Variants in SOST observed in about 807,000 individuals in gnomAD.
SOST encodes the protein sclerosteosis.
A neutral mutation model predicts 16.7 loss-of-function variants in SOST; 14 were observed. That is an observed-to-expected ratio of 0.84 (90% CI 0.55 to 1.31). The LOEUF (loss-of-function observed/expected upper bound fraction) is 1.31, where lower values mean the gene tolerates loss of function less well. SOST is among the 50% of genes most tolerant of loss of function. The probability of loss-of-function intolerance (pLI) is 0.00; values close to 1 mark genes in which losing one functional copy is unlikely to be tolerated. For missense variants in SOST, 291 were observed against 310.7 expected (o/e 0.94, Z 0.48); for synonymous variants, 150 against 140.9 (o/e 1.06, Z -0.46).
rs1187502516 is a variant in SOST at position 43,758,652 on chromosome 17, C to T, written c.90G>A (p.Lys30=). ...CGGGGATGATTTCCGTGGCATCATTCTTGAACGCCTGCCACCCCTGGCCCT... is the reference window on the plus strand; with the variant it reads ...CGGGGATGATTTCCGTGGCATCATTTTTGAACGCCTGCCACCCCTGGCCCT... ...VVEGQGWQAF[K]NDATEIIPEL... is the part of the protein sequence containing the mutation. The change falls in exon 1 of 2, where the codon AAG becomes AAA. Residue 30 remains lysine, a synonymous_variant. Transcript: ENST00000301691. The T allele has an allele frequency of 1.2e-6, 2 of 1,614,030 alleles. No homozygotes were observed. Among genetic ancestry groups the T allele is most frequent in the African/African-American group, 2.7e-5 (2 of 74,918 alleles).
intron 1 of SOST, among the ~76,000 whole-genome samples, chr17:43,758,283 C>T (rs566068510): frequency 2.8e-4 from 42 of 152,282 alleles, no homozygotes; most frequent in African/African-American, 8.4e-4. Flanking sequence ...ACCACCCCAG[C>T]GTCCTCCCTG....
rs762410202 is a variant in SOST, at chr17:43,758,761, C to T, written c.-20G>A. ...CTGCATGGTACCAGCCAGAGGAGGG[C>T]ACGCCACCTTCCAGTAGCACAGGCT... is the stretch of plus-strand genomic sequence containing the variant. On this transcript the variant is annotated 5_prime_UTR_variant, in exon 1 of 2. Coordinates refer to ENST00000301691, the MANE Select transcript of SOST (RefSeq NM_025237.3). The T allele has an allele frequency of 1.9e-6, 3 of 1,599,376 alleles. No individual in the cohort carries two copies. Among genetic ancestry groups the T allele is most frequent in the Non-Finnish European group, 1.7e-6 (2 of 1,169,632 alleles).
At chr17:43,757,968 C>T (rs1367659467) in intron 1 of SOST, among the ~76,000 whole-genome samples, 1 of 152,208 alleles carries the variant, frequency 6.6e-6, no homozygotes, top group African/African-American at 2.4e-5. Context: ...ACCAGGTTCA[C>T]ACCTCAGCTC....
chr17:43,756,451 T>A (rs1397752098), intron 1 of SOST, among the ~76,000 whole-genome samples: 1 of 152,172 alleles, frequency 6.6e-6, no homozygotes, highest in Non-Finnish European at 1.5e-5. Context: ...TCCAACCCCC[T>A]CATTATCAAT....
In SOST at chr17:43,758,755, G is replaced by C; in HGVS notation, c.-14C>G. The stretch of plus-strand genomic sequence containing the variant: ...TGGGAGCTGCATGGTACCAGCCAGA[G>C]GAGGGCACGCCACCTTCCAGTAGCA... On this transcript the variant is annotated 5_prime_UTR_variant, in exon 1 of 2. Coordinates refer to ENST00000301691, the MANE Select transcript of SOST (RefSeq NM_025237.3). The C allele has an allele frequency of 6.2e-7, 1 of 1,607,964 alleles. No homozygotes were observed. The highest frequency in any genetic ancestry group is 8.5e-7 in the Non-Finnish European group (1 of 1,176,932).
Position 43,754,642 on chromosome 17 carries a change from G to A in SOST, c.*700C>T, listed in dbSNP as rs1974106365. 1 of 152,032 alleles carries A rather than the reference G, an allele frequency of 6.6e-6. No homozygotes were observed. Among genetic ancestry groups the A allele is most frequent in the Admixed American group, 6.6e-5 (1 of 15,252 alleles). 9.4% of individuals were successfully genotyped at this position (152,032 alleles called of 1,614,324 possible). On this transcript the variant is annotated 3_prime_UTR_variant, in exon 2 of 2. Transcript: ENST00000301691. Reference sequence around the variant, plus strand: ...AGCATCACAACTCTGAATTCTGGAAGTGACCTTGGCACTGAATCAATGCAA... The same window carrying A: ...AGCATCACAACTCTGAATTCTGGAAATGACCTTGGCACTGAATCAATGCAA...
Position 43,755,284 on chromosome 17 carries a change from T to A in SOST, c.*58A>T, listed in dbSNP as rs1168900594. The A allele has an allele frequency of 1.4e-6, 2 of 1,426,298 alleles. No individual in the cohort carries two copies. The highest frequency in any genetic ancestry group is 1.5e-5 in the African/African-American group (1 of 67,248). 88.4% of individuals were successfully genotyped at this position (1,426,298 alleles called of 1,614,324 possible). The stretch of plus-strand genomic sequence containing the variant: ...TCAAACCACGCGCAGAGGACAGAAA[T>A]GTGGGGCGCGGGTTCAGGGCCGGGG... On this transcript the variant is annotated 3_prime_UTR_variant, in exon 2 of 2. Transcript: ENST00000301691. The surrounding 1 kb of genome is among the most constrained non-coding windows in gnomAD (Gnocchi z 4.3).
At chr17:43,758,364 A>G (rs879627913) in intron 1 of SOST, among the ~76,000 whole-genome samples, 158 bp downstream of exon 1, 3 of 152,126 alleles carry the variant, frequency 2.0e-5, no homozygotes, top group Non-Finnish European at 4.4e-5. Context: ...CCAGCGAGCC[A>G]TTCTTCCCCC....
rs1974158785 is a variant in SOST, at chr17:43,758,638, T to A, written c.104A>T (p.Glu35Val). The change falls in exon 1 of 2, where the codon GAA (glutamate) becomes GTA (valine). Residue 35 changes from glutamate to valine, a missense_variant. Physicochemically the swap from Glu to Val is moderately radical, Grantham distance 121. Transcript: ENST00000301691. ...GWQAFKNDATEIIPELGEYPE... is the reference protein window; with the variant it reads ...GWQAFKNDATVIIPELGEYPE... ...GTACTCTCCGAGCTCGGGGATGATT[T>A]CCGTGGCATCATTCTTGAACGCCTG... 6.2e-7 allele frequency: 1 copy of A among 1,614,132 alleles called. No individual in the cohort carries two copies. Among genetic ancestry groups the A allele is most frequent in the Non-Finnish European group, 8.5e-7 (1 of 1,180,018 alleles).
At chr17:43,758,262 G>A (rs1016345708) in intron 1 of SOST, among the ~76,000 whole-genome samples, 2 of 152,092 alleles carry the variant, frequency 1.3e-5, no homozygotes, top group African/African-American at 4.8e-5. Context: ...ATGCCCTGAT[G>A]CCATACCCTC....
chr17:43,755,706 G>A lies in SOST; in HGVS notation c.278C>T (p.Pro93Leu), dbSNP rs1159168815. Reference protein sequence around the residue: ...LHFTRYVTDGPCRSAKPVTEL... With the variant: ...LHFTRYVTDGLCRSAKPVTEL... ...GGTGACCGGCTTGGCGCTGCGGCAC[G>A]GCCCATCGGTCACGTAGCGGGTGAA... The change falls in exon 2 of 2, where the codon CCG (proline) becomes CTG (leucine). Residue 93 changes from proline to leucine, a missense_variant. Transcript: ENST00000301691. This position sits in a 1 kb window ranked among gnomAD's most constrained non-coding sequence, Gnocchi z 4.3. The A allele has an allele frequency of 1.5e-5, 24 of 1,567,758 alleles. No individual in the cohort carries two copies. Among genetic ancestry groups the A allele is most frequent in the Non-Finnish European group, 1.9e-5 (22 of 1,165,440 alleles).
chr17:43,758,478 C>T, intron 1 of SOST, 44 bp downstream of exon 1: 1 of 1,513,712 alleles, frequency 6.6e-7, no homozygotes, highest in Non-Finnish European at 9.1e-7. Flanking sequence ...TTTCTAAAAC[C>T]TCCCCAGGAT....
In SOST at chr17:43,755,597, C is replaced by G. The variant is rs772681644; in HGVS notation, c.387G>C (p.Gly129=). 1 of 1,589,830 alleles carries G rather than the reference C, an allele frequency of 6.3e-7. No individual in the cohort carries two copies. Among genetic ancestry groups the G allele is most frequent in the Non-Finnish European group, 8.5e-7 (1 of 1,174,470 alleles). ...GGTCGGGGATGCAGCGGAAGTCGGG[C>G]CCACTAGGTCGCCACCACTTGCCGC... is the stretch of plus-strand genomic sequence containing the variant. ...IGRGKWWRPS[G]PDFRCIPDRY... is the part of the protein sequence containing the mutation. The change falls in exon 2 of 2, where the codon GGG becomes GGC. Residue 129 remains glycine (G), a synonymous_variant. Coordinates refer to ENST00000301691, the MANE Select transcript of SOST (RefSeq NM_025237.3). This position sits in a 1 kb window ranked among gnomAD's most constrained non-coding sequence, Gnocchi z 4.3.
In SOST at chr17:43,755,206, A is replaced by G; in HGVS notation, c.*136T>C. 4 of 879,976 alleles carry G rather than the reference A, an allele frequency of 4.5e-6. No homozygotes were observed. The highest frequency in any genetic ancestry group is 6.5e-6 in the Non-Finnish European group (4 of 620,104). 54.5% of individuals were successfully genotyped at this position (879,976 alleles called of 1,614,324 possible). A position where few individuals can be genotyped will look rare whatever the true frequency, so the allele number is the denominator to read the frequency against. On this transcript the variant is annotated 3_prime_UTR_variant, in exon 2 of 2. Coordinates refer to ENST00000301691, the MANE Select transcript of SOST (RefSeq NM_025237.3). The surrounding 1 kb of genome is among the most constrained non-coding windows in gnomAD (Gnocchi z 4.3). ...CGCCCGGGATTCCTCAGGGCCTGGA[A>G]GGTCTCAGCCCCCTGCCCTGGGTTG... is the stretch of plus-strand genomic sequence containing the variant.
chr17:43,755,687 C>CG lies in SOST; in HGVS notation c.296dup (p.Val100GlyfsTer29), dbSNP rs1974122996. On this transcript the variant is annotated frameshift_variant, in exon 2 of 2. Transcript: ENST00000301691. LOFTEE classifies it high-confidence loss of function. This position sits in a 1 kb window ranked among gnomAD's most constrained non-coding sequence, Gnocchi z 4.3. ...GGCCGGAGCACACCAGCTCGGTGAC[C>CG]GGCTTGGCGCTGCGGCACGGCCCAT... is the stretch of plus-strand genomic sequence containing the variant. 6.4e-7 allele frequency: 1 copy of CG among 1,563,720 alleles called. No individual in the cohort carries two copies. Among genetic ancestry groups the CG allele is most frequent in the South Asian group, 1.2e-5 (1 of 86,258 alleles).
At chr17:43,756,064 G>T (rs1974127864) in intron 1 of SOST, among the ~76,000 whole-genome samples, 2 of 152,220 alleles carry the variant, frequency 1.3e-5, no homozygotes, top group Admixed American at 1.3e-4. Context: ...TGCAAAATGG[G>T]CCGCCCCAAG....
intron 1 of SOST, among the ~76,000 whole-genome samples, chr17:43,757,980 T>G (rs191098508): frequency 3.2e-4 from 48 of 152,280 alleles, no homozygotes; most frequent in Non-Finnish European, 3.1e-4. Context: ...CCTCAGCTCT[T>G]CTCACTACCA....
At chr17:43,757,289 T>A (rs1826166645) in intron 1 of SOST, among the ~76,000 whole-genome samples, 1 of 152,188 alleles carries the variant, frequency 6.6e-6, no homozygotes, top group Non-Finnish European at 1.5e-5. Flanking sequence ...ACATTTTGTG[T>A]TTGGGTTCCT....
chr17:43,758,686 C>T lies in SOST; in HGVS notation c.56G>A (p.Arg19His), dbSNP rs199514554. 224 of 1,614,112 alleles carry T rather than the reference C, an allele frequency of 1.4e-4. No individual in the cohort carries two copies. The Admixed American group carries it at 1.9e-3, about 14-fold the overall frequency. The stretch of plus-strand genomic sequence containing the variant: ...CTGCCACCCCTGGCCCTCCACTACA[C>T]GGAAGGCTGTGTGTACCAGCAGGCA... ...LVCLLVHTAF[R>H]VVEGQGWQAF... is the part of the protein sequence containing the mutation. Residue 19 changes from arginine (R) to histidine (H), a missense_variant, in exon 1 of 2, where the codon CGT (arginine) becomes CAT (histidine). Arg to His is a conservative substitution (Grantham distance 29, BLOSUM62 0). Transcript: ENST00000301691.
Sources: allele counts gnomAD v4.1 joint callset (sites outside exome capture counted in the v4.1 genomes callset), GRCh38; gene constraint gnomAD v4.1.1; non-coding constraint Gnocchi (gnomAD v3.1); transcripts MANE v1.5; gene names NCBI Gene and HGNC (gene_info 2026-07-23, HGNC 2026-07-21).